Variants in ULK4 observed in about 807,000 individuals in gnomAD.
The protein encoded by ULK4 is unc-51 like kinase 4.
ULK4 carries 133 observed loss-of-function variants against 160.6 expected under a neutral mutation model. The observed-to-expected ratio is 0.83, with a 90% CI of 0.72 to 0.96. ULK4 has a LOEUF of 0.96. ULK4 is among the 40% of genes least tolerant of loss of function. The probability of loss-of-function intolerance (pLI) is 0.00; values close to 1 mark genes in which losing one functional copy is unlikely to be tolerated. For synonymous variants in ULK4, 534 were observed against 539.8 expected (o/e 0.99, Z 0.15); for missense variants, 1,580 against 1,499.5 (o/e 1.05, Z -0.89).
intron 2 of ULK4, among the ~76,000 whole-genome samples, chr3:41,948,785 T>C (rs190149858): frequency 1.4e-5 from 2 of 145,822 alleles, no homozygotes; most frequent in East Asian, 4.1e-4. Context: ...ATAATAAAAG[T>C]CATATATGAA....
chr3:41,853,497 G>A (rs185521841), intron 17 of ULK4, among the ~76,000 whole-genome samples: 15 of 152,132 alleles, frequency 9.9e-5, no homozygotes, highest in Admixed American at 3.9e-4. Flanking sequence ...CAAGACCTAA[G>A]GCCATGCTAG....
chr3:41,674,000 C>G (rs1011131773), intron 29 of ULK4, among the ~76,000 whole-genome samples: 43 of 152,096 alleles, frequency 2.8e-4, no homozygotes, highest in African/African-American at 1.0e-3. Flanking sequence ...ATGGAAGTCA[C>G]TTAATATATA....
At chr3:41,502,534 T>C (rs769101935) in intron 32 of ULK4, among the ~76,000 whole-genome samples, 3 of 152,148 alleles carry the variant, frequency 2.0e-5, no homozygotes, top group African/African-American at 4.8e-5. Context: ...CAACAATATA[T>C]AGAAAAAACT....
At chr3:41,671,805 T>C (rs2035548399) in intron 29 of ULK4, among the ~76,000 whole-genome samples, 1 of 152,030 alleles carries the variant, frequency 6.6e-6, no homozygotes, top group Admixed American at 6.6e-5. Context: ...GGAGAAAATA[T>C]TTGCAAACTA....
At chr3:41,572,787 T>A (rs187550556) in intron 31 of ULK4, among the ~76,000 whole-genome samples, 145 of 150,064 alleles carry the variant, frequency 9.7e-4, no homozygotes, top group African/African-American at 3.5e-3. Flanking sequence ...AAAAAAGATA[T>A]ATAACCCAAG....
intron 32 of ULK4, among the ~76,000 whole-genome samples, chr3:41,472,739 C>T (rs966976575): frequency 6.6e-6 from 1 of 152,022 alleles, no homozygotes; most frequent in African/African-American, 2.4e-5. Context: ...TCCAAAAAAT[C>T]GAAGGGGAAA....
chr3:41,898,447 G>T lies in ULK4; in HGVS notation c.1333C>A (p.Leu445Ile). 1 of 1,595,968 alleles carries T rather than the reference G, an allele frequency of 6.3e-7. No homozygotes were observed. The highest frequency in any genetic ancestry group is 1.8e-5 in the Admixed American group (1 of 57,000). The change falls in exon 14 of 37, where the codon CTA becomes ATA. Residue 445 changes from leucine (L) to isoleucine (I), a missense_variant. By Grantham distance (5) the Leu-to-Ile change is conservative. Transcript: ENST00000301831. ...PVKFDAKILH[L>I]PTYSVDKLLF... ...ATGATCCTACCTGAATATGTTGGTA[G>T]ATGCAATATTTTTGCATCAAATTTA...
chr3:41,948,425 T>C (rs1262787886), intron 2 of ULK4, among the ~76,000 whole-genome samples: 2 of 152,114 alleles, frequency 1.3e-5, no homozygotes, highest in African/African-American at 4.8e-5. Flanking sequence ...CACTCCAGCC[T>C]GGACGAAAGA....
At chr3:41,782,032 CT>C (rs1469400534) in intron 21 of ULK4, among the ~76,000 whole-genome samples, 3 of 151,910 alleles carry the variant, frequency 2.0e-5, no homozygotes, top group East Asian at 3.9e-4. Flanking sequence ...TTTTTCTCAA[CT>C]TTTTTTTAGG....
intron 17 of ULK4, among the ~76,000 whole-genome samples, chr3:41,845,317 A>G (rs1465527122): frequency 6.6e-6 from 1 of 152,238 alleles, no homozygotes; most frequent in African/African-American, 2.4e-5. Flanking sequence ...ATTCAACCAC[A>G]CCACAGAATA....
intron 35 of ULK4, among the ~76,000 whole-genome samples, chr3:41,322,269 C>G (rs935330470): frequency 6.7e-6 from 1 of 149,936 alleles, no homozygotes; most frequent in Non-Finnish European, 1.5e-5. Flanking sequence ...TGGCCTCAAG[C>G]AATCCACCTG....
At chr3:41,432,731 C>A (rs372735336) in intron 34 of ULK4, among the ~76,000 whole-genome samples, 1 of 152,282 alleles carries the variant, frequency 6.6e-6, no homozygotes, top group African/African-American at 2.4e-5. Context: ...ATGATAATTT[C>A]ATAAGATACA....
chr3:41,279,787 CATA>C (rs1367420354), intron 35 of ULK4, among the ~76,000 whole-genome samples: 1 of 152,168 alleles, frequency 6.6e-6, no homozygotes, highest in Non-Finnish European at 1.5e-5. Flanking sequence ...TGAGGCCACA[CATA>C]ATAATATTAA....
intron 35 of ULK4, among the ~76,000 whole-genome samples, chr3:41,256,293 G>A (rs1302189030): frequency 6.6e-6 from 1 of 152,106 alleles, no homozygotes; most frequent in African/African-American, 2.4e-5. Context: ...AAATAATTTT[G>A]AAAAAGCAGA....
intron 32 of ULK4, among the ~76,000 whole-genome samples, chr3:41,557,375 G>A (rs1004776686): frequency 2.0e-5 from 3 of 151,690 alleles, no homozygotes; most frequent in Admixed American, 6.6e-5. Context: ...GGGAAACTAA[G>A]AAAATCACCT....
intron 32 of ULK4, among the ~76,000 whole-genome samples, chr3:41,504,073 A>G (rs1256399): frequency 0.84 from 127,777 of 152,144 alleles, 54,966 homozygotes; most frequent in Non-Finnish European, 0.94. Flanking sequence ...CATTTGATTC[A>G]AATTAAGACT....
At chr3:41,761,696 CCTTT>C (rs1262588414) in intron 21 of ULK4, among the ~76,000 whole-genome samples, 17 of 151,900 alleles carry the variant, frequency 1.1e-4, no homozygotes, top group African/African-American at 4.1e-4. Flanking sequence ...ATAGAATGTT[CCTTT>C]AAGTTGATCA....
chr3:41,770,920 C>A (rs575469691), intron 21 of ULK4, among the ~76,000 whole-genome samples: 2 of 152,196 alleles, frequency 1.3e-5, no homozygotes, highest in African/African-American at 4.8e-5. Context: ...TCTAAAGAAG[C>A]CTTTTTATTT....
At chr3:41,775,292 A>G (rs1399499125) in intron 21 of ULK4, among the ~76,000 whole-genome samples, 2 of 150,768 alleles carry the variant, frequency 1.3e-5, no homozygotes, top group Non-Finnish European at 2.9e-5. Flanking sequence ...TATCCAGACA[A>G]AAAGTGTATC....
Sources: allele counts gnomAD v4.1 joint callset (sites outside exome capture counted in the v4.1 genomes callset), GRCh38; gene constraint gnomAD v4.1.1; transcripts MANE v1.5; gene names NCBI Gene and HGNC (gene_info 2026-07-23, HGNC 2026-07-21).